Variants in MINDY3 observed in about 807,000 individuals in gnomAD.
The protein encoded by MINDY3 is ubiquitin carboxyl-terminal hydrolase MINDY-3.
Under a neutral mutation model 69.2 loss-of-function variants are expected in MINDY3, and 38 were observed. The ratio of observed to expected loss-of-function variants is 0.55; its 90% CI spans 0.42 to 0.72. MINDY3 has a LOEUF of 0.72. MINDY3 is among the 30% of genes least tolerant of loss of function. The pLI, the probability that MINDY3 is intolerant of heterozygous loss-of-function variation, is 0.00. For missense variants in MINDY3, 522 were observed against 519.0 expected (o/e 1.01, Z -0.06); for synonymous variants, 192 against 180.1 (o/e 1.07, Z -0.53).
At chr10:15,789,426 G>C in intron 11 of MINDY3, 107 bp from the exon 12 acceptor site, 1 of 763,214 alleles carries the variant, frequency 1.3e-6, no homozygotes, top group Non-Finnish European at 2.2e-6. Flanking sequence ...AAAATACAAA[G>C]AGTTAACATA....
At chr10:15,801,839 C>T (rs1838282575) in intron 10 of MINDY3, among the ~76,000 whole-genome samples, 1 of 151,670 alleles carries the variant, frequency 6.6e-6, no homozygotes, top group Non-Finnish European at 1.5e-5. Context: ...CAGAGCCAAT[C>T]AGAGTAAAGG....
chr10:15,842,161 C>T (rs376194090), intron 3 of MINDY3, among the ~76,000 whole-genome samples: 54 of 151,860 alleles, frequency 3.6e-4, no homozygotes, highest in African/African-American at 1.3e-3. Context: ...GGCGCAAATG[C>T]TCAGACCATC....
chr10:15,801,185 G>A (rs542667777), intron 10 of MINDY3, among the ~76,000 whole-genome samples: 2 of 152,124 alleles, frequency 1.3e-5, no homozygotes, highest in Non-Finnish European at 2.9e-5. Flanking sequence ...CGGCATGGGG[G>A]GGAAATGCCA....
rs568231905 is a variant in MINDY3 at position 15,806,408 on chromosome 10, T to C, written c.883-10236A>G. Among the ~76,000 whole-genome samples, 3 of 152,284 alleles carry C rather than the reference T, an allele frequency of 2.0e-5. No individual in the cohort carries two copies. The South Asian group carries it at 6.2e-4, about 32-fold the overall frequency. Reference sequence around the variant, plus strand: ...TACCAATAATTTAATCTTGGGAGGCTTGGATTAGTATGAACAAAAAGTGAG... The same window carrying C: ...TACCAATAATTTAATCTTGGGAGGCCTGGATTAGTATGAACAAAAAGTGAG... On this transcript the variant is annotated intron_variant, in intron 10 of 14. Coordinates refer to ENST00000277632, the MANE Select transcript of MINDY3 (RefSeq NM_024948.4).
chr10:15,796,022 G>T, intron 11 of MINDY3, 78 bp downstream of exon 11: 2 of 1,050,212 alleles, frequency 1.9e-6, no homozygotes, highest in South Asian at 1.4e-5. Context: ...TATATCTTTT[G>T]AATAAAATCA....
At chr10:15,844,246 A>G (rs1204486384) in intron 2 of MINDY3, among the ~76,000 whole-genome samples, 2 of 152,188 alleles carry the variant, frequency 1.3e-5, no homozygotes, top group African/African-American at 4.8e-5. Context: ...ATAGGCATAA[A>G]GTCTACAAAT....
chr10:15,836,143 C>G (rs1353113000), intron 6 of MINDY3, among the ~76,000 whole-genome samples: 1 of 152,046 alleles, frequency 6.6e-6, no homozygotes, highest in Non-Finnish European at 1.5e-5. Flanking sequence ...TCTCTGGTGT[C>G]TTATGCTACA....
At chr10:15,811,688 T>A (rs1290831483) in intron 10 of MINDY3, among the ~76,000 whole-genome samples, 4 of 152,160 alleles carry the variant, frequency 2.6e-5, no homozygotes, top group Admixed American at 2.6e-4. Flanking sequence ...TAGTTAACAT[T>A]ACTCATAATT....
chr10:15,805,721 A>AGGAGTGGCC (rs1838592917), intron 10 of MINDY3, among the ~76,000 whole-genome samples: 2 of 152,262 alleles, frequency 1.3e-5, no homozygotes, highest in Admixed American at 1.3e-4. Flanking sequence ...CAGAAACTTT[A>AGGAGTGGCC]AGTGCCACTA....
At chr10:15,833,938 A>G (rs1046584520) in intron 7 of MINDY3, among the ~76,000 whole-genome samples, 10 of 152,088 alleles carry the variant, frequency 6.6e-5, no homozygotes, top group Admixed American at 5.2e-4. Context: ...ACATTTAACA[A>G]CTTTATCTAA....
At chr10:15,851,985 C>A (rs951673415) in intron 1 of MINDY3, among the ~76,000 whole-genome samples, 1 of 152,100 alleles carries the variant, frequency 6.6e-6, no homozygotes, top group Non-Finnish European at 1.5e-5. Flanking sequence ...ACTGTTCTCT[C>A]TACATAAAAA....
chr10:15,829,878 T>A (rs560703318), intron 8 of MINDY3, among the ~76,000 whole-genome samples: 3 of 152,306 alleles, frequency 2.0e-5, no homozygotes, highest in African/African-American at 4.8e-5. Context: ...GAGGCTCAGA[T>A]AATTTAGCAG....
rs763319966 is a variant in MINDY3 at position 15,860,190 on chromosome 10, A to G, written c.94+16T>C. 4 of 1,587,292 alleles carry G rather than the reference A, an allele frequency of 2.5e-6. No homozygotes were observed. In the South Asian group the frequency reaches 4.6e-5, roughly 18 times the overall value. On this transcript the variant is annotated intron_variant, in intron 1 of 14. Transcript: ENST00000277632. The stretch of plus-strand genomic sequence containing the variant: ...AAGAAGCAGCGGCTGCAAGTGTGAG[A>G]GCCCCGCCAGGGTACCTTGCGTCCA...
chr10:15,839,960 TA>T (rs1833347454), intron 4 of MINDY3, among the ~76,000 whole-genome samples: 1 of 151,628 alleles, frequency 6.6e-6, no homozygotes, highest in Non-Finnish European at 1.5e-5. Flanking sequence ...TAAGGCCCTT[TA>T]ACCTATAGCA....
intron 10 of MINDY3, 117 bp downstream of exon 10, chr10:15,816,717 CA>C: frequency 1.4e-6 from 1 of 698,730 alleles, no homozygotes; most frequent in Non-Finnish European, 2.5e-6. Context: ...GATTTTTGAA[CA>C]ATTCATTTGT....
intron 8 of MINDY3, among the ~76,000 whole-genome samples, chr10:15,831,272 G>A: frequency 6.6e-6 from 1 of 152,140 alleles, no homozygotes; most frequent in South Asian, 2.1e-4. Flanking sequence ...CTTGTAATGA[G>A]GTTTCTTTTC....
intron 4 of MINDY3, among the ~76,000 whole-genome samples, chr10:15,841,189 C>A (rs1291230639): frequency 6.6e-6 from 1 of 150,734 alleles, no homozygotes; most frequent in Non-Finnish European, 1.5e-5. Context: ...CAGAAGTTAA[C>A]CAGAACATTT....
chr10:15,815,947 TTGTTA>T (rs1253484132), intron 10 of MINDY3, among the ~76,000 whole-genome samples: 2 of 152,010 alleles, frequency 1.3e-5, no homozygotes, highest in African/African-American at 4.8e-5. Context: ...AAAAATAGCT[TTGTTA>T]TAAGAATTTT....
intron 10 of MINDY3, among the ~76,000 whole-genome samples, chr10:15,816,053 G>A (rs1839333410): frequency 6.6e-6 from 1 of 152,080 alleles, no homozygotes; most frequent in Non-Finnish European, 1.5e-5. Flanking sequence ...ATCACTTGAG[G>A]TTAGGAGTTT....
Sources: allele counts gnomAD v4.1 joint callset (sites outside exome capture counted in the v4.1 genomes callset), GRCh38; gene constraint gnomAD v4.1.1; transcripts MANE v1.5; gene names NCBI Gene and HGNC (gene_info 2026-07-23, HGNC 2026-07-21).